Variants in PKNOX2 observed in about 807,000 individuals in gnomAD.
PKNOX2 encodes the protein homeobox protein PKNOX2.
PKNOX2 carries 14 observed loss-of-function variants against 53.1 expected under a neutral mutation model. The observed-to-expected ratio is 0.26, with a 90% CI of 0.17 to 0.41. PKNOX2 has a LOEUF of 0.41. Among genes scored for constraint, PKNOX2 ranks in the 10% least tolerant of loss-of-function variants. The pLI, the probability that PKNOX2 is intolerant of heterozygous loss-of-function variation, is 1.00. For synonymous variants in PKNOX2, 257 were observed against 242.8 expected (o/e 1.06, Z -0.54); for missense variants, 496 against 602.8 (o/e 0.82, Z 1.85).
At chr11:125,196,416 C>A (rs76055101) in intron 1 of PKNOX2, among the ~76,000 whole-genome samples, 44 of 152,296 alleles carry the variant, frequency 2.9e-4, no homozygotes, top group African/African-American at 1.0e-3. Flanking sequence ...TCTGTTGAGC[C>A]CACTTTCTGT....
In PKNOX2 at chr11:125,397,016, A is replaced by G. The variant is rs538025135; in HGVS notation, c.400-858A>G. Among the ~76,000 whole-genome samples, 17 of 152,384 alleles carry G rather than the reference A, an allele frequency of 1.1e-4. No individual in the cohort carries two copies. The South Asian group carries it at 3.1e-3, about 28-fold the overall frequency. On this transcript the variant is annotated intron_variant, in intron 6 of 12. Coordinates refer to ENST00000298282, the MANE Select transcript of PKNOX2 (RefSeq NM_001382323.2). ...TCTTTAAGGCGATTGGATCGAAGAC[A>G]GGTTTTTTTCACCCTGCTTTCCATA...
chr11:125,399,329 C>T (rs998403236), intron 7 of PKNOX2, among the ~76,000 whole-genome samples: 2 of 152,246 alleles, frequency 1.3e-5, no homozygotes, highest in African/African-American at 4.8e-5. Context: ...TCTTATTGTA[C>T]TTTCCCTTAT....
chr11:125,431,594 T>G lies in PKNOX2; in HGVS notation c.*202T>G. On this transcript the variant is annotated 3_prime_UTR_variant, in exon 13 of 13. Coordinates refer to ENST00000298282, the MANE Select transcript of PKNOX2 (RefSeq NM_001382323.2). ...GCTTCAATGAGGACCCCAGCCCCAC[T>G]TCCCTGGAACTGCCGAGGACTCTGT... The G allele has an allele frequency of 1.3e-5, 8 of 606,228 alleles. No homozygotes were observed. Among genetic ancestry groups the G allele is most frequent in the Admixed American group, 3.0e-5 (1 of 32,924 alleles). The allele number at this position is 606,228 out of a possible 1,614,324, so 37.6% of individuals were successfully genotyped here.
intron 7 of PKNOX2, among the ~76,000 whole-genome samples, chr11:125,402,953 T>C (rs541067784): frequency 2.2e-4 from 33 of 152,204 alleles, no homozygotes; most frequent in African/African-American, 6.3e-4. Flanking sequence ...TACAGATTCA[T>C]TGGCCTTGGG....
At chr11:125,175,247 G>GGAAGGAAA (rs1312028336) in intron 1 of PKNOX2, among the ~76,000 whole-genome samples, 1 of 90,240 alleles carries the variant, frequency 1.1e-5, no homozygotes, top group Non-Finnish European at 2.7e-5. Flanking sequence ...AAGGAAGGAA[G>GGAAGGAAA]GAAAGAAGGA....
At chr11:125,183,190 G>T (rs1451835913) in intron 1 of PKNOX2, among the ~76,000 whole-genome samples, 1 of 144,396 alleles carries the variant, frequency 6.9e-6, no homozygotes, top group Non-Finnish European at 1.5e-5. Flanking sequence ...TGTAGCATGC[G>T]ATGAATCCTT....
chr11:125,274,821 G>T (rs1946048752), intron 2 of PKNOX2, among the ~76,000 whole-genome samples: 1 of 152,176 alleles, frequency 6.6e-6, no homozygotes, highest in Admixed American at 6.5e-5. Flanking sequence ...GTCAGATCAG[G>T]GGCGGTAGGA....
intron 4 of PKNOX2, among the ~76,000 whole-genome samples, chr11:125,351,601 G>A (rs915490673): frequency 6.6e-6 from 1 of 152,170 alleles, no homozygotes; most frequent in Non-Finnish European, 1.5e-5. Flanking sequence ...ACCAGGTTCA[G>A]ACCCCAGGAG....
At chr11:125,413,103 G>A (rs1206804950) in intron 10 of PKNOX2, among the ~76,000 whole-genome samples, 1 of 152,234 alleles carries the variant, frequency 6.6e-6, no homozygotes, top group Non-Finnish European at 1.5e-5. Flanking sequence ...GGGGGCGTGG[G>A]GCTGCCCCAG....
chr11:125,324,379 G>A (rs1481059259), intron 2 of PKNOX2, among the ~76,000 whole-genome samples: 2 of 152,178 alleles, frequency 1.3e-5, no homozygotes, highest in African/African-American at 4.8e-5. Flanking sequence ...CATGTGGTGT[G>A]TTATACACTC....
rs746037687 is a variant in PKNOX2 at position 125,209,583 on chromosome 11, G to T, written c.-200-25462G>T. Among the ~76,000 whole-genome samples, 110 of 152,028 alleles carry T rather than the reference G, an allele frequency of 7.2e-4. 1 individual carries two copies. The highest frequency in any genetic ancestry group is 1.4e-3 in the Non-Finnish European group (96 of 67,922). Reference sequence around the variant, plus strand: ...AAAGAAAATTAGGAAAACTCAGAAGGCACAGAACCAATGGCTACAGAAAAC... The same window carrying T: ...AAAGAAAATTAGGAAAACTCAGAAGTCACAGAACCAATGGCTACAGAAAAC... On this transcript the variant is annotated intron_variant, in intron 1 of 12. Transcript: ENST00000298282.
rs532765368 is a variant in PKNOX2, at chr11:125,313,072, A to G, written c.-129-18747A>G. 1.1e-4 allele frequency among the ~76,000 whole-genome samples: 16 copies of G among 152,260 alleles called. No individual in the cohort carries two copies. The East Asian group carries it at 3.1e-3, about 29-fold the overall frequency. ...GAGGGCAACAGGGAGCTTAGACAGC[A>G]GGGATGGGAAGCAGAGAGTGTTTAC... On this transcript the variant is annotated intron_variant, in intron 2 of 12. Transcript: ENST00000298282.
chr11:125,187,716 G>A (rs1443488770), intron 1 of PKNOX2, among the ~76,000 whole-genome samples: 1 of 151,590 alleles, frequency 6.6e-6, no homozygotes, highest in East Asian at 1.9e-4. Context: ...ATATTGAATA[G>A]CAGGTGAAAG....
At chr11:125,335,289 T>G (rs932813604) in intron 3 of PKNOX2, among the ~76,000 whole-genome samples, 1 of 152,234 alleles carries the variant, frequency 6.6e-6, no homozygotes, top group Non-Finnish European at 1.5e-5. Flanking sequence ...GCCTTCAGCT[T>G]GTCTGCTGTT....
intron 4 of PKNOX2, among the ~76,000 whole-genome samples, chr11:125,365,289 A>G (rs1176047419): frequency 6.6e-6 from 1 of 152,152 alleles, no homozygotes; most frequent in African/African-American, 2.4e-5. Context: ...AGAGTGGTGC[A>G]AGACCAGAAG....
At chr11:125,212,445 G>C (rs1939958797) in intron 1 of PKNOX2, among the ~76,000 whole-genome samples, 1 of 138,892 alleles carries the variant, frequency 7.2e-6, no homozygotes, top group Non-Finnish European at 1.5e-5. Flanking sequence ...AATAGGAGGG[G>C]ATTCTTTTTT....
intron 3 of PKNOX2, among the ~76,000 whole-genome samples, chr11:125,347,997 C>T (rs375199173): frequency 2.0e-5 from 3 of 152,130 alleles, no homozygotes; most frequent in East Asian, 1.9e-4. Context: ...TCTCAGAATC[C>T]GTGACAAAAG....
At chr11:125,243,504 C>T (rs1414718366) in intron 2 of PKNOX2, among the ~76,000 whole-genome samples, 5 of 152,192 alleles carry the variant, frequency 3.3e-5, no homozygotes, top group Non-Finnish European at 7.3e-5. Context: ...AGATGCTTTT[C>T]GCTCTTTTCT....
At chr11:125,403,868 A>G (rs560395115) in intron 7 of PKNOX2, among the ~76,000 whole-genome samples, 1 of 152,346 alleles carries the variant, frequency 6.6e-6, no homozygotes, top group Non-Finnish European at 1.5e-5. Context: ...CTGAGATGCT[A>G]GGCCCAGCTG....
Sources: gnomAD v4.1 joint callset for allele counts (sites outside exome capture counted in the v4.1 genomes callset) on GRCh38, gnomAD v4.1.1 for gene constraint, MANE v1.5 for transcripts, NCBI Gene and HGNC (gene_info 2026-07-23, HGNC 2026-07-21) for gene names.